Variants in GPATCH2 observed in about 807,000 individuals in gnomAD.
The protein encoded by GPATCH2 is G patch domain-containing protein 2.
A neutral mutation model predicts 58.0 loss-of-function variants in GPATCH2; 51 were observed. The ratio of observed to expected loss-of-function variants is 0.88; its 90% CI spans 0.70 to 1.11. The LOEUF (loss-of-function observed/expected upper bound fraction) is 1.11, where lower values mean the gene tolerates loss of function less well. GPATCH2 is among the 50% of genes most tolerant of loss of function. The pLI is 0.00. For synonymous variants in GPATCH2, 222 were observed against 218.5 expected, an observed-to-expected ratio of 1.02 and a Z score of -0.14; for missense variants, 625 against 652.2, an observed-to-expected ratio of 0.96 and a Z score of 0.45.
chr1:217,438,982 G>A (rs529294422), intron 9 of GPATCH2, among the ~76,000 whole-genome samples: 5 of 152,198 alleles, frequency 3.3e-5, no homozygotes, highest in South Asian at 2.1e-4. Flanking sequence ...AATTAACAAG[G>A]ATATTCAGGA....
At chr1:217,498,777 A>G (rs1295244977) in intron 6 of GPATCH2, 3 of 293,474 alleles carry the variant, frequency 1.0e-5, no homozygotes, top group Non-Finnish European at 1.9e-5. Flanking sequence ...TGTTGGAGTT[A>G]TAAAAAAAAT....
chr1:217,569,660 A>G (rs900065434), intron 5 of GPATCH2, among the ~76,000 whole-genome samples: 6 of 152,202 alleles, frequency 3.9e-5, no homozygotes, highest in Non-Finnish European at 7.4e-5. Context: ...GCACCATTGC[A>G]CTACAGACTG....
At chr1:217,570,249 C>T (rs1467656941) in intron 5 of GPATCH2, among the ~76,000 whole-genome samples, 2 of 152,034 alleles carry the variant, frequency 1.3e-5, no homozygotes, top group African/African-American at 4.8e-5. Context: ...GTAGCTGGGA[C>T]TAGAGGTGCA....
At chr1:217,482,269 C>G (rs755860193) in intron 8 of GPATCH2, among the ~76,000 whole-genome samples, 2 of 152,102 alleles carry the variant, frequency 1.3e-5, no homozygotes, top group African/African-American at 2.4e-5. Flanking sequence ...ATTGGGGCTA[C>G]ATGAGTGAGT....
intron 6 of GPATCH2, among the ~76,000 whole-genome samples, chr1:217,505,024 C>G (rs528729000): frequency 6.6e-6 from 1 of 152,100 alleles, no homozygotes; most frequent in Non-Finnish European, 1.5e-5. Context: ...AGGTTCCACA[C>G]GGGCTTCATG....
At chr1:217,461,049 C>G (rs1660177601) in intron 8 of GPATCH2, among the ~76,000 whole-genome samples, 1 of 152,080 alleles carries the variant, frequency 6.6e-6, no homozygotes, top group Admixed American at 6.5e-5. Flanking sequence ...GTTCTATATG[C>G]TATAATGTAC....
intron 9 of GPATCH2, among the ~76,000 whole-genome samples, chr1:217,440,174 C>T (rs767681911): frequency 9.2e-5 from 14 of 152,220 alleles, no homozygotes; most frequent in South Asian, 4.1e-4. Context: ...ATGATCAAGT[C>T]GGCTTCATCC....
chr1:217,587,461 G>C (rs12094833), intron 5 of GPATCH2, among the ~76,000 whole-genome samples: 4,900 of 152,250 alleles, frequency 0.032, 254 homozygotes, highest in African/African-American at 0.11. Flanking sequence ...AAGATAGAAA[G>C]AGACTGGCAA....
intron 8 of GPATCH2, among the ~76,000 whole-genome samples, chr1:217,467,382 G>C (rs1284649040): frequency 6.6e-6 from 1 of 152,094 alleles, no homozygotes; most frequent in African/African-American, 2.4e-5. Context: ...CCTATACTTA[G>C]AAACTATTTC....
At chr1:217,549,526 C>T (rs1665245967) in intron 5 of GPATCH2, among the ~76,000 whole-genome samples, 1 of 147,862 alleles carries the variant, frequency 6.8e-6, no homozygotes, top group African/African-American at 2.4e-5. Context: ...TCCATCTTTG[C>T]CCTTATGACA....
In GPATCH2 at chr1:217,431,161, G is replaced by A. The variant is rs767845491; in HGVS notation, c.1571C>T (p.Ala524Val). 1 of 1,520,522 alleles carries A rather than the reference G, an allele frequency of 6.6e-7. No homozygotes were observed. Among genetic ancestry groups the A allele is most frequent in the South Asian group, 1.1e-5 (1 of 89,296 alleles). 94.2% of individuals were successfully genotyped at this position (1,520,522 alleles called of 1,614,324 possible). A position where few individuals can be genotyped will look rare whatever the true frequency, so the allele number is the denominator to read the frequency against. Residue 524 changes from alanine to valine, a missense_variant, in exon 10 of 10, where the codon GCA (alanine) becomes GTA (valine). Coordinates refer to ENST00000366935, the MANE Select transcript of GPATCH2 (RefSeq NM_018040.5). ...KSTSATTTPN[A>V]GKSA ...TTGCTTTTCTTAGGCGGATTTTCCTGCATTGGGGGTAGTAGTTGCGGAAGT... is the reference window on the plus strand; with the variant it reads ...TTGCTTTTCTTAGGCGGATTTTCCTACATTGGGGGTAGTAGTTGCGGAAGT...
At chr1:217,575,289 T>C (rs940441540) in intron 5 of GPATCH2, among the ~76,000 whole-genome samples, 3 of 152,192 alleles carry the variant, frequency 2.0e-5, no homozygotes, top group Non-Finnish European at 2.9e-5. Flanking sequence ...TGGAAACTGT[T>C]AGTTATCACA....
intron 5 of GPATCH2, among the ~76,000 whole-genome samples, chr1:217,553,555 GTATT>G (rs1246835581): frequency 2.0e-5 from 3 of 151,922 alleles, no homozygotes; most frequent in African/African-American, 4.8e-5. Flanking sequence ...CAATAGCAAA[GTATT>G]TAGGGAACAT....
intron 5 of GPATCH2, among the ~76,000 whole-genome samples, chr1:217,583,717 A>C (rs1667187428): frequency 6.6e-6 from 1 of 152,108 alleles, no homozygotes; most frequent in Non-Finnish European, 1.5e-5. Flanking sequence ...CAGGATAAAT[A>C]AATTTATGTC....
At chr1:217,562,306 G>A (rs999780430) in intron 5 of GPATCH2, among the ~76,000 whole-genome samples, 3 of 152,042 alleles carry the variant, frequency 2.0e-5, no homozygotes, top group Non-Finnish European at 2.9e-5. Flanking sequence ...TAACTTTTTC[G>A]GCAGGAAAAT....
At chr1:217,626,154 G>A (rs1344765804) in intron 1 of GPATCH2, among the ~76,000 whole-genome samples, 1 of 152,156 alleles carries the variant, frequency 6.6e-6, no homozygotes, top group Non-Finnish European at 1.5e-5. Context: ...TTTTGGGAAT[G>A]CAGTGCTAAA....
intron 5 of GPATCH2, among the ~76,000 whole-genome samples, chr1:217,545,013 T>TC (rs778499474): frequency 6.6e-5 from 10 of 152,186 alleles, no homozygotes; most frequent in Non-Finnish European, 1.2e-4. Flanking sequence ...TTCTTGTTTT[T>TC]CTCAACATCT....
chr1:217,507,571 G>A (rs554949326), intron 6 of GPATCH2, among the ~76,000 whole-genome samples: 1 of 152,190 alleles, frequency 6.6e-6, no homozygotes, highest in Non-Finnish European at 1.5e-5. Context: ...CTCAGTATTT[G>A]TAAGACTTAA....
At chr1:217,516,241 C>A (rs1047089401) in intron 5 of GPATCH2, among the ~76,000 whole-genome samples, 2 of 151,754 alleles carry the variant, frequency 1.3e-5, no homozygotes, top group East Asian at 1.9e-4. Context: ...TAAAAAAAAA[C>A]CCTCTGTAAT....
Sources: allele counts gnomAD v4.1 joint callset (sites outside exome capture counted in the v4.1 genomes callset), GRCh38; gene constraint gnomAD v4.1.1; transcripts MANE v1.5; gene names NCBI Gene and HGNC (gene_info 2026-07-23, HGNC 2026-07-21).